Variants in GJA3 observed in about 807,000 individuals in gnomAD.
GJA3 encodes the protein gap junction alpha-3 protein.
For synonymous variants in GJA3, 297 were observed against 292.6 expected (o/e 1.02, Z -0.15); for missense variants, 571 against 620.3 (o/e 0.92, Z 0.84).
intron 1 of GJA3, among the ~76,000 whole-genome samples, chr13:20,148,880 C>T (rs1958859857): frequency 6.6e-6 from 1 of 152,212 alleles, no homozygotes; most frequent in Admixed American, 6.5e-5. Flanking sequence ...GAGAACTGAC[C>T]TAAAAACTGT....
chr13:20,144,182 C>A (rs1235048273), intron 1 of GJA3, among the ~76,000 whole-genome samples: 1 of 152,180 alleles, frequency 6.6e-6, no homozygotes, highest in African/African-American at 2.4e-5. Context: ...CCACTGACGA[C>A]CACCTGAAAT....
In GJA3 at chr13:20,141,865, A is replaced by G; in HGVS notation, c.*116T>C. 6.9e-7 allele frequency: 1 copy of G among 1,451,382 alleles called. No homozygotes were observed. Among genetic ancestry groups the G allele is most frequent in the Non-Finnish European group, 9.3e-7 (1 of 1,074,784 alleles). The allele number at this position is 1,451,382 out of a possible 1,614,324, so 89.9% of individuals were successfully genotyped here. A position where few individuals can be genotyped will look rare whatever the true frequency, so the allele number is the denominator to read the frequency against. On this transcript the variant is annotated 3_prime_UTR_variant, in exon 2 of 2. Transcript: ENST00000241125. Reference sequence around the variant, plus strand: ...TCCATCGTCCACCTCCTGGGACTCCAGTCGCTCCCACCTCCTGGGACTTTC... The same window carrying G: ...TCCATCGTCCACCTCCTGGGACTCCGGTCGCTCCCACCTCCTGGGACTTTC...
intron 1 of GJA3, among the ~76,000 whole-genome samples, chr13:20,153,426 A>T (rs1027926061): frequency 5.3e-5 from 8 of 152,346 alleles, no homozygotes; most frequent in African/African-American, 1.9e-4. Context: ...AATGTGGCAC[A>T]TATACACCAT....
At chr13:20,152,316 CGAGTCACA>C (rs74832948) in intron 1 of GJA3, among the ~76,000 whole-genome samples, 4,433 of 32,906 alleles carry the variant, frequency 0.13, 107 homozygotes, top group Non-Finnish European at 0.24. Context: ...GTCTCTGGAA[CGAGTCACA>C]GCCAAAAGGT....
rs764418101 is a variant in GJA3 at position 20,142,509 on chromosome 13, C to T, written c.780G>A (p.Arg260=). The T allele has an allele frequency of 1.3e-6, 2 of 1,551,320 alleles. No individual in the cohort carries two copies. Among genetic ancestry groups the T allele is most frequent in the Non-Finnish European group, 1.7e-6 (2 of 1,148,892 alleles). Residue 260 remains arginine, a synonymous_variant, in exon 2 of 2, where the codon CGG becomes CGA. Coordinates refer to ENST00000241125, the MANE Select transcript of GJA3 (RefSeq NM_021954.4). The part of the protein sequence containing the change: ...ADPPPLPPSS[R]PPAVAIGFPP... ...GGAACCCGATGGCAACGGCGGGCGG[C>T]CGGGAGCTGGGGGGCAGGGGCGGGG...
At chr13:20,158,786 C>A (rs1046413414) in intron 1 of GJA3, among the ~76,000 whole-genome samples, 2 of 151,724 alleles carry the variant, frequency 1.3e-5, no homozygotes, top group African/African-American at 4.8e-5. Flanking sequence ...GTGGCGCATG[C>A]CTGTAATCCC....
At chr13:20,154,477 GT>G (rs1312249088) in intron 1 of GJA3, among the ~76,000 whole-genome samples, 2 of 152,152 alleles carry the variant, frequency 1.3e-5, no homozygotes, top group African/African-American at 4.8e-5. Flanking sequence ...TGGATTTTCT[GT>G]GTAGACATAG....
chr13:20,154,118 C>T (rs777675099), intron 1 of GJA3, among the ~76,000 whole-genome samples: 1 of 152,190 alleles, frequency 6.6e-6, no homozygotes, highest in South Asian at 2.1e-4. Context: ...ACACAGGAAA[C>T]TTAGGTATAG....
Position 20,140,863 on chromosome 13 carries a change from A to G in GJA3, c.*1118T>C, listed in dbSNP as rs1958803081. ...TAAAAGTGTAGATTGTCATAGATTC[A>G]TCTGTATAAATAATTTTCCTGGCAA... On this transcript the variant is annotated 3_prime_UTR_variant, in exon 2 of 2. Transcript: ENST00000241125. 1 of 151,934 alleles carries G rather than the reference A, an allele frequency of 6.6e-6. No homozygotes were observed. Among genetic ancestry groups the G allele is most frequent in the Non-Finnish European group, 1.5e-5 (1 of 67,958 alleles). The allele number at this position is 151,934 out of a possible 1,614,324, so 9.4% of individuals were successfully genotyped here. A position where few individuals can be genotyped will look rare whatever the true frequency, so the allele number is the denominator to read the frequency against.
At position 20,142,347 on chromosome 13, in the gene GJA3, G is replaced by A. The variant is rs773681171; in HGVS notation, c.942C>T (p.Leu314=). Residue 314 remains leucine (L), a synonymous_variant, in exon 2 of 2, where the codon CTC becomes CTT. Coordinates refer to ENST00000241125, the MANE Select transcript of GJA3 (RefSeq NM_021954.4). ...TCAGCAGGTGGTGGTGGCCGTTGTAGAGCTTGGCGGACTGGCCCTTTCCGC... is the reference window on the plus strand; with the variant it reads ...TCAGCAGGTGGTGGTGGCCGTTGTAAAGCTTGGCGGACTGGCCCTTTCCGC... ...EARGKGQSAK[L]YNGHHHLLMT... is the part of the protein sequence containing the mutation. The A allele has an allele frequency of 1.9e-6, 3 of 1,551,916 alleles. No homozygotes were observed. The South Asian group carries it at 3.6e-5, about 19-fold the overall frequency.
chr13:20,145,506 A>G (rs1010644986), intron 1 of GJA3, among the ~76,000 whole-genome samples: 1 of 152,226 alleles, frequency 6.6e-6, no homozygotes, highest in Non-Finnish European at 1.5e-5. Context: ...ATTTGGGGTC[A>G]CTTCCTGCTT....
Position 20,142,230 on chromosome 13 carries a change from G to A in GJA3, c.1059C>T (p.Ser353=), listed in dbSNP as rs963846840. ...YPAASTPAAP[S]PVGSSSPPLA... ...GTGGCGGGGAGCTGCTGCCGACGGG[G>A]CTGGGGGCTGCAGGCGTGGACGCTG... is the stretch of plus-strand genomic sequence containing the variant. The change falls in exon 2 of 2, where the codon AGC becomes AGT. Residue 353 remains serine, a synonymous_variant. Transcript: ENST00000241125. 2 of 1,529,556 alleles carry A rather than the reference G, an allele frequency of 1.3e-6. No individual in the cohort carries two copies. The highest frequency in any genetic ancestry group is 1.8e-6 in the Non-Finnish European group (2 of 1,142,730). 94.7% of individuals were successfully genotyped at this position (1,529,556 alleles called of 1,614,324 possible).
At chr13:20,143,623 C>A (rs192687434) in intron 1 of GJA3, among the ~76,000 whole-genome samples, 1 of 152,274 alleles carries the variant, frequency 6.6e-6, no homozygotes, top group Admixed American at 6.5e-5. Flanking sequence ...TGGGGCTCTG[C>A]GGCCCCTTAG....
chr13:20,158,729 T>C (rs984534728), intron 1 of GJA3, among the ~76,000 whole-genome samples: 1 of 151,758 alleles, frequency 6.6e-6, no homozygotes, highest in African/African-American at 2.4e-5. Context: ...CTGTCCAACA[T>C]GGTGAAACTG....
chr13:20,142,117 G>A lies in GJA3; in HGVS notation c.1172C>T (p.Pro391Leu). 6.5e-7 allele frequency: 1 copy of A among 1,545,652 alleles called. No individual in the cohort carries two copies. Among genetic ancestry groups the A allele is most frequent in the East Asian group, 2.5e-5 (1 of 40,776 alleles). The change falls in exon 2 of 2, where the codon CCC becomes CTC. Residue 391 changes from proline (P) to leucine (L), a missense_variant. Pro to Leu is a moderately conservative substitution (Grantham distance 98). Transcript: ENST00000241125. ...SLEGSALAGT[P>L]EEEEQAVTTA... Reference sequence around the variant, plus strand: ...GGTCACGGCCTGCTCCTCCTCCTCGGGGGTCCCTGCCAGGGCGCTCCCCTC... The same window carrying A: ...GGTCACGGCCTGCTCCTCCTCCTCGAGGGTCCCTGCCAGGGCGCTCCCCTC...
chr13:20,154,101 A>G (rs1433942877), intron 1 of GJA3, among the ~76,000 whole-genome samples: 1 of 152,180 alleles, frequency 6.6e-6, no homozygotes, highest in African/African-American at 2.4e-5. Flanking sequence ...TTGGCTTTTT[A>G]CTTCTAACAC....
In GJA3 at chr13:20,142,832, T is replaced by C. The variant is rs375414285; in HGVS notation, c.457A>G (p.Ile153Val). 1.2e-6 allele frequency: 2 copies of C among 1,613,354 alleles called. No homozygotes were observed. Among genetic ancestry groups the C allele is most frequent in the African/African-American group, 1.3e-5 (1 of 74,924 alleles). ...ACCTCGAACAGCGTCTTGAAGATGA[T>C]GTTGAAGACGTAGGTCCGCAGCAGC... Reference protein sequence around the residue: ...GALLRTYVFNIIFKTLFEVGF... With the variant: ...GALLRTYVFNVIFKTLFEVGF... Residue 153 changes from isoleucine (I) to valine (V), a missense_variant, in exon 2 of 2, where the codon ATC (isoleucine) becomes GTC (valine). Physicochemically the swap from Ile to Val is conservative, Grantham distance 29. Coordinates refer to ENST00000241125, the MANE Select transcript of GJA3 (RefSeq NM_021954.4).
At chr13:20,147,392 CT>C (rs1184591030) in intron 1 of GJA3, among the ~76,000 whole-genome samples, 1 of 152,162 alleles carries the variant, frequency 6.6e-6, no homozygotes, top group East Asian at 1.9e-4. Context: ...GAAATAAAGT[CT>C]GGTAAAAATG....
chr13:20,150,734 C>T (rs1213110177), intron 1 of GJA3, among the ~76,000 whole-genome samples: 1 of 152,230 alleles, frequency 6.6e-6, no homozygotes, highest in Non-Finnish European at 1.5e-5. Context: ...CCCGCAGAGC[C>T]TGGCACAGCT....
Sources: allele counts gnomAD v4.1 joint callset (sites outside exome capture counted in the v4.1 genomes callset), GRCh38; gene constraint gnomAD v4.1.1; transcripts MANE v1.5; gene names NCBI Gene and HGNC (gene_info 2026-07-23, HGNC 2026-07-21).